Variants in ZBTB41 observed in about 807,000 individuals in gnomAD.
ZBTB41 encodes the protein zinc finger and BTB domain containing 41, also known as zinc finger and BTB domain-containing protein 41.
ZBTB41 carries 42 observed loss-of-function variants against 87.6 expected under a neutral mutation model. The ratio of observed to expected loss-of-function variants is 0.48; its 90% confidence interval spans 0.37 to 0.62. The LOEUF (loss-of-function observed/expected upper bound fraction) is 0.62, where lower values mean the gene tolerates loss of function less well. ZBTB41 is among the 20% of genes least tolerant of loss of function. ZBTB41 has a pLI of 0.00. For synonymous variants in ZBTB41, 364 were observed against 364.0 expected, an observed-to-expected ratio of 1.00 and a Z score of 0.00; for missense variants, 799 against 1,078.9, an observed-to-expected ratio of 0.74 and a Z score of 3.63.
chr1:197,175,038 C>T lies in ZBTB41; in HGVS notation c.1957G>A (p.Val653Ile), dbSNP rs759439448. ...RDHLTVHYKS[V>I]HLGEKVWQKY... is the part of the protein sequence containing the mutation. ...TGCCACACTTTCTCTCCAAGGTGTACGCTTTTGTAATGAACAGTGAGATGA... is the reference window on the plus strand; with the variant it reads ...TGCCACACTTTCTCTCCAAGGTGTATGCTTTTGTAATGAACAGTGAGATGA... The change falls in exon 9 of 11, where the codon GTA (valine) becomes ATA (isoleucine). Residue 653 changes from valine (V) to isoleucine (I), a missense_variant. This residue lies in a region of ZBTB41 where 198 missense variants were observed against 358.4 expected (regional missense o/e 0.55). Coordinates refer to ENST00000367405, the MANE Select transcript of ZBTB41 (RefSeq NM_194314.3). 17 of 1,609,464 alleles carry T rather than the reference C, an allele frequency of 1.1e-5. No individual in the cohort carries two copies. Among genetic ancestry groups the T allele is most frequent in the South Asian group, 3.3e-5 (3 of 90,578 alleles).
intron 5 of ZBTB41, among the ~76,000 whole-genome samples, chr1:197,184,901 G>A (rs1015248191): frequency 1.3e-5 from 2 of 151,850 alleles, no homozygotes; most frequent in African/African-American, 2.4e-5. Context: ...CACAACCTCC[G>A]CCTCTTGGGT....
chr1:197,157,966 T>C lies in ZBTB41; in HGVS notation c.*1393A>G, dbSNP rs1318015766. The C allele has an allele frequency of 2.0e-5, 3 of 152,380 alleles. No homozygotes were observed. The highest frequency in any genetic ancestry group is 4.8e-5 in the African/African-American group (2 of 41,446). The allele number at this position is 152,380 out of a possible 1,614,324, so 9.4% of individuals were successfully genotyped here. On this transcript the variant is annotated 3_prime_UTR_variant, in exon 11 of 11. Coordinates refer to ENST00000367405, the MANE Select transcript of ZBTB41 (RefSeq NM_194314.3). ...TAAACAAAACTGAAATAGAAAACTT[T>C]TAAAACTGCTATTTTCTACTAGTTT... is the stretch of plus-strand genomic sequence containing the variant.
intron 6 of ZBTB41, among the ~76,000 whole-genome samples, chr1:197,180,014 G>A (rs894912645): frequency 6.6e-6 from 1 of 151,946 alleles, no homozygotes; most frequent in Non-Finnish European, 1.5e-5. Context: ...AATGTCCGCG[G>A]CCTTCACATT....
chr1:197,196,345 A>G (rs1271792432), intron 2 of ZBTB41, among the ~76,000 whole-genome samples: 2 of 152,126 alleles, frequency 1.3e-5, no homozygotes, highest in Non-Finnish European at 2.9e-5. Flanking sequence ...TCTGCTACAT[A>G]TTCTTTTCAT....
intron 2 of ZBTB41, 122 bp from the exon 3 acceptor site, chr1:197,192,021 A>C (rs1660050343): frequency 1.5e-6 from 1 of 659,520 alleles, no homozygotes; most frequent in Non-Finnish European, 2.2e-6. Context: ...TCCACACACA[A>C]AACTAGAAAA....
chr1:197,177,237 A>G (rs796783680), intron 7 of ZBTB41, among the ~76,000 whole-genome samples: 5 of 152,156 alleles, frequency 3.3e-5, no homozygotes, highest in African/African-American at 9.6e-5. Context: ...TGTTCTTGTA[A>G]CAGTCAGTGA....
chr1:197,181,348 T>A (rs907176584), intron 5 of ZBTB41, among the ~76,000 whole-genome samples: 1 of 152,098 alleles, frequency 6.6e-6, no homozygotes, highest in Admixed American at 6.6e-5. Flanking sequence ...ACTAATGAGT[T>A]AACAAATTGA....
Position 197,158,855 on chromosome 1 carries a change from G to A in ZBTB41, c.*504C>T. The stretch of plus-strand genomic sequence containing the variant: ...ACACAGAAATATCCAAGGCATTCTT[G>A]TAAATTCAAATTCCTAATTTCAATT... On this transcript the variant is annotated 3_prime_UTR_variant, in exon 11 of 11. Transcript: ENST00000367405. The A allele has an allele frequency of 6.5e-6, 1 of 153,426 alleles. No individual in the cohort carries two copies. Among genetic ancestry groups the A allele is most frequent in the Non-Finnish European group, 1.5e-5 (1 of 68,928 alleles). The allele number at this position is 153,426 out of a possible 1,614,324, so 9.5% of individuals were successfully genotyped here. A position where few individuals can be genotyped will look rare whatever the true frequency, so the allele number is the denominator to read the frequency against.
intron 3 of ZBTB41, among the ~76,000 whole-genome samples, chr1:197,191,416 C>T (rs936837535): frequency 2.1e-5 from 3 of 142,572 alleles, no homozygotes; most frequent in African/African-American, 7.8e-5. Flanking sequence ...GAGATTGTAC[C>T]ACTGCCCTCC....
At position 197,199,385 on chromosome 1, in the gene ZBTB41, A is replaced by G. The variant is rs1660242178; in HGVS notation, c.1089T>C (p.Cys363=). 1 of 1,577,902 alleles carries G rather than the reference A, an allele frequency of 6.3e-7. No homozygotes were observed. Among genetic ancestry groups the G allele is most frequent in the Non-Finnish European group, 8.6e-7 (1 of 1,168,058 alleles). Residue 363 remains cysteine, a synonymous_variant, in exon 2 of 11, where the codon TGT becomes TGC. Transcript: ENST00000367405. ...GGTCAAATGTTTTATCACATTTAGG[A>G]CACTGCAATATTTTTTTGTTGCTGT... ...IQNSNKKILQ[C]PKCDKTFDRI...
intron 10 of ZBTB41, among the ~76,000 whole-genome samples, chr1:197,169,735 T>A (rs1256789441): frequency 1.3e-5 from 2 of 152,140 alleles, no homozygotes; most frequent in East Asian, 3.9e-4. Context: ...AAAATTCACC[T>A]TGAATAAAAA....
intron 4 of ZBTB41, among the ~76,000 whole-genome samples, chr1:197,189,677 GGCC>G (rs1457780030): frequency 6.6e-6 from 1 of 152,072 alleles, no homozygotes; most frequent in Non-Finnish European, 1.5e-5. Flanking sequence ...TGATTTGTTT[GGCC>G]AACAAAATGT....
At chr1:197,194,528 T>G (rs372659170) in intron 2 of ZBTB41, among the ~76,000 whole-genome samples, 1 of 151,642 alleles carries the variant, frequency 6.6e-6, no homozygotes, top group African/African-American at 2.4e-5. Flanking sequence ...ACTGAAGTCA[T>G]TGAAATGGCA....
intron 10 of ZBTB41, among the ~76,000 whole-genome samples, chr1:197,163,731 C>G (rs1392190377): frequency 6.6e-6 from 1 of 151,224 alleles, no homozygotes; most frequent in Non-Finnish European, 1.5e-5. Context: ...AAAAAAGTAG[C>G]CAATTAAAAA....
In ZBTB41 at chr1:197,159,205, T is replaced by A; in HGVS notation, c.*154A>T. ...ATTTTGTCCAAATATTCATGTTCAGTAAACAGAGACACATAGTTTTCTTGA... is the reference window on the plus strand; with the variant it reads ...ATTTTGTCCAAATATTCATGTTCAGAAAACAGAGACACATAGTTTTCTTGA... On this transcript the variant is annotated 3_prime_UTR_variant, in exon 11 of 11. Coordinates refer to ENST00000367405, the MANE Select transcript of ZBTB41 (RefSeq NM_194314.3). 1.4e-6 allele frequency: 1 copy of A among 708,456 alleles called. No individual in the cohort carries two copies. Among genetic ancestry groups the A allele is most frequent in the East Asian group, 2.7e-5 (1 of 36,768 alleles). The allele number at this position is 708,456 out of a possible 1,614,324, so 43.9% of individuals were successfully genotyped here.
chr1:197,178,919 A>C (rs1187975121), intron 6 of ZBTB41, among the ~76,000 whole-genome samples: 1 of 152,162 alleles, frequency 6.6e-6, no homozygotes, highest in Non-Finnish European at 1.5e-5. Flanking sequence ...TATTGAAAAA[A>C]TGTTTTAAAG....
At chr1:197,192,807 A>G (rs182384259) in intron 2 of ZBTB41, among the ~76,000 whole-genome samples, 82 of 152,258 alleles carry the variant, frequency 5.4e-4, no homozygotes, top group African/African-American at 1.8e-3. Flanking sequence ...AAAATCCAAA[A>G]TATTCCAAGG....
rs1244634141 is a variant in ZBTB41, at chr1:197,159,253, G to C, written c.*106C>G. 3 of 1,122,452 alleles carry C rather than the reference G, an allele frequency of 2.7e-6. No homozygotes were observed. The highest frequency in any genetic ancestry group is 3.1e-5 in the African/African-American group (2 of 63,970). 69.5% of individuals were successfully genotyped at this position (1,122,452 alleles called of 1,614,324 possible). On this transcript the variant is annotated 3_prime_UTR_variant, in exon 11 of 11. Transcript: ENST00000367405. The stretch of plus-strand genomic sequence containing the variant: ...TGATTTGAAACTGTTCTGAGGACTT[G>C]AGAAACTAGAGAAAACAAGAAAATA...
Position 197,158,453 on chromosome 1 carries a change from T to A in ZBTB41, c.*906A>T, listed in dbSNP as rs1028480349. Reference sequence around the variant, plus strand: ...TCAGCCAAGTAAATGAAATCAAAAGTAGCATGTTTAATTAAATTTCATTGA... The same window carrying A: ...TCAGCCAAGTAAATGAAATCAAAAGAAGCATGTTTAATTAAATTTCATTGA... On this transcript the variant is annotated 3_prime_UTR_variant, in exon 11 of 11. Coordinates refer to ENST00000367405, the MANE Select transcript of ZBTB41 (RefSeq NM_194314.3). 3 of 152,418 alleles carry A rather than the reference T, an allele frequency of 2.0e-5. No individual in the cohort carries two copies. The highest frequency in any genetic ancestry group is 2.9e-5 in the Non-Finnish European group (2 of 67,896). The allele number at this position is 152,418 out of a possible 1,614,324, so 9.4% of individuals were successfully genotyped here.
Sources: gnomAD v4.1 joint callset for allele counts (sites outside exome capture counted in the v4.1 genomes callset) on GRCh38, gnomAD v4.1.1 for gene constraint, gnomAD v4.1.1 regional missense constraint, MANE v1.5 for transcripts, NCBI Gene and HGNC (gene_info 2026-07-23, HGNC 2026-07-21) for gene names.